The following MYO9A variants were observed in gnomAD, a reference collection of about 807,000 sequenced individuals.
MYO9A encodes unconventional myosin-IXa.
A neutral mutation model predicts 293.3 loss-of-function variants in MYO9A; 103 were observed. That is an observed-to-expected ratio of 0.35 (90% CI 0.30 to 0.41). The LOEUF (loss-of-function observed/expected upper bound fraction) is 0.41. Ranked by LOEUF, MYO9A falls within the 10% of genes least tolerant of loss-of-function variation. The probability of loss-of-function intolerance (pLI) is 1.00; values close to 1 mark genes in which losing one functional copy is unlikely to be tolerated. For missense variants in MYO9A, 2,685 were observed against 3,033.0 expected, an observed-to-expected ratio of 0.89 and a Z score of 2.69; for synonymous variants, 1,001 against 1,035.7, an observed-to-expected ratio of 0.97 and a Z score of 0.64.
chr15:71,952,560 G>C (rs2059076447), intron 14 of MYO9A, among the ~76,000 whole-genome samples: 2 of 152,178 alleles, frequency 1.3e-5, no homozygotes. Flanking sequence ...CCCCAGATCA[G>C]TGTTATTTAA....
chr15:72,072,205 C>T (rs868451974), intron 1 of MYO9A, among the ~76,000 whole-genome samples: 10 of 151,744 alleles, frequency 6.6e-5, no homozygotes, highest in Middle Eastern at 6.9e-3. Context: ...GATCTCAGCT[C>T]ACTGCAAGCT....
At chr15:71,886,546 T>C (rs2057025745) in intron 27 of MYO9A, among the ~76,000 whole-genome samples, 1 of 152,128 alleles carries the variant, frequency 6.6e-6, no homozygotes, top group Admixed American at 6.6e-5. Context: ...GTTTTATACT[T>C]TCCAGATAAT....
chr15:72,068,562 C>T (rs538753678), intron 1 of MYO9A, among the ~76,000 whole-genome samples: 73 of 151,798 alleles, frequency 4.8e-4, no homozygotes, highest in Admixed American at 7.9e-4. Context: ...ATCTTCCTGG[C>T]TCAAGCCATC....
At chr15:72,016,153 A>T (rs915421407) in intron 6 of MYO9A, among the ~76,000 whole-genome samples, 1 of 152,212 alleles carries the variant, frequency 6.6e-6, no homozygotes, top group Non-Finnish European at 1.5e-5. Context: ...GGAAATTAAC[A>T]TTTATTAAAT....
At chr15:72,091,575 T>G (rs1027885156) in intron 1 of MYO9A, among the ~76,000 whole-genome samples, 1 of 151,988 alleles carries the variant, frequency 6.6e-6, no homozygotes, top group African/African-American at 2.4e-5. Flanking sequence ...CCTGAACTAC[T>G]CTCTCTCTCT....
At chr15:72,031,796 A>G (rs755788301) in intron 3 of MYO9A, among the ~76,000 whole-genome samples, 3 of 152,186 alleles carry the variant, frequency 2.0e-5, no homozygotes, top group Non-Finnish European at 2.9e-5. Context: ...AACATAGACT[A>G]TATAATAAGA....
intron 14 of MYO9A, 80 bp from the exon 15 acceptor site, chr15:71,951,976 C>G (rs2059063312): frequency 8.3e-6 from 12 of 1,441,766 alleles, no homozygotes; most frequent in Middle Eastern, 2.0e-4. Flanking sequence ...AACAGAGAAT[C>G]AAGGACAATG....
chr15:72,072,444 A>G (rs2079224150), intron 1 of MYO9A, among the ~76,000 whole-genome samples: 1 of 151,946 alleles, frequency 6.6e-6, no homozygotes, highest in African/African-American at 2.4e-5. Flanking sequence ...AGATACCTAC[A>G]CTCTTATGTT....
chr15:72,077,872 A>T (rs1190385930), intron 1 of MYO9A, among the ~76,000 whole-genome samples: 1 of 151,672 alleles, frequency 6.6e-6, no homozygotes, highest in African/African-American at 2.4e-5. Flanking sequence ...TGGGAAATCT[A>T]AACAGACATC....
intron 2 of MYO9A, among the ~76,000 whole-genome samples, chr15:72,037,687 A>T (rs1596445679): frequency 6.6e-6 from 1 of 152,316 alleles, no homozygotes; most frequent in African/African-American, 2.4e-5. Context: ...AGAAGTCATG[A>T]AACAACCAAA....
In MYO9A at chr15:72,046,229, A is replaced by G. The variant is rs773444723; in HGVS notation, c.335T>C (p.Leu112Pro). The G allele has an allele frequency of 2.1e-5, 34 of 1,613,758 alleles. No individual in the cohort carries two copies. Among genetic ancestry groups the G allele is most frequent in the Non-Finnish European group, 2.8e-5 (33 of 1,179,832 alleles). The change falls in exon 2 of 42, where the codon CTT becomes CCT. Residue 112 changes from leucine to proline, a missense_variant. Transcript: ENST00000356056. Reference protein sequence around the residue: ...DYRFLLREKNLDGSIHYGSLQ... With the variant: ...DYRFLLREKNPDGSIHYGSLQ... ...GCTACCATAATGGATTGATCCATCA[A>G]GGTTTTTCTCTCTCAGAAGGAAGCG...
At chr15:71,834,697 T>C (rs1342891306) in intron 39 of MYO9A, among the ~76,000 whole-genome samples, 1 of 151,768 alleles carries the variant, frequency 6.6e-6, no homozygotes, top group Non-Finnish European at 1.5e-5. Flanking sequence ...GCCCAGGAGG[T>C]TGAGGCTGCA....
At position 71,827,047 on chromosome 15, in the gene MYO9A, ATGC is replaced by A. The variant is rs1167914114; in HGVS notation, c.7184-7_7184-5del. The A allele has an allele frequency of 6.4e-7, 1 of 1,552,312 alleles. No homozygotes were observed. The highest frequency in any genetic ancestry group is 2.1e-5 in the Admixed American group (1 of 47,516). On this transcript the variant is annotated splice_polypyrimidine_tract_variant and splice_region_variant and intron_variant, in intron 41 of 41. Coordinates refer to ENST00000356056, the MANE Select transcript of MYO9A (RefSeq NM_006901.4). ...GAGCTAAGGGCTAAGCTTCTTTCTA[ATGC>A]AAAAAAGAGACCAAAGATGTAAATG...
intron 1 of MYO9A, among the ~76,000 whole-genome samples, chr15:72,056,515 C>T (rs183426863): frequency 3.9e-5 from 6 of 152,332 alleles, no homozygotes; most frequent in African/African-American, 1.2e-4. Flanking sequence ...CGTATGTTCT[C>T]GCTCATAAGC....
chr15:71,890,083 A>G (rs939845580), intron 26 of MYO9A: 1 of 152,190 alleles, frequency 6.6e-6, no homozygotes, highest in Admixed American at 6.5e-5. Context: ...CCCTTGTGAG[A>G]TATTACTAAG....
chr15:72,011,877 C>A (rs544152450), intron 6 of MYO9A, among the ~76,000 whole-genome samples: 1 of 152,112 alleles, frequency 6.6e-6, no homozygotes, highest in Non-Finnish European at 1.5e-5. Context: ...TTATTAACTG[C>A]AGATCCCCAG....
chr15:71,880,142 G>A (rs1195535935), intron 29 of MYO9A, among the ~76,000 whole-genome samples, 193 bp downstream of exon 29: 1 of 152,132 alleles, frequency 6.6e-6, no homozygotes, highest in Non-Finnish European at 1.5e-5. Flanking sequence ...CACTACTAAA[G>A]CCTACAACCT....
intron 1 of MYO9A, among the ~76,000 whole-genome samples, chr15:72,094,788 T>G (rs1239546807): frequency 1.1e-5 from 1 of 92,054 alleles, no homozygotes; most frequent in Non-Finnish European, 3.3e-5. Flanking sequence ...GCACCTGTAT[T>G]ACAGGTGTAA....
chr15:71,880,491 G>A lies in MYO9A; in HGVS notation c.5466C>T (p.Phe1822=). Residue 1822 remains phenylalanine (F), a synonymous_variant, in exon 29 of 42, where the codon TTC becomes TTT. Transcript: ENST00000356056. ...PELPGSCRKE[F]KENKEPSPKA... ...TTGGAGAAGGTTCTTTGTTCTCTTTGAATTCCTTCCGGCAACTGCCGGGCA... is the reference window on the plus strand; with the variant it reads ...TTGGAGAAGGTTCTTTGTTCTCTTTAAATTCCTTCCGGCAACTGCCGGGCA... 1 of 1,614,188 alleles carries A rather than the reference G, an allele frequency of 6.2e-7. No individual in the cohort carries two copies. Among genetic ancestry groups the A allele is most frequent in the Non-Finnish European group, 8.5e-7 (1 of 1,180,002 alleles).
Sources: gnomAD v4.1 joint callset for allele counts (sites outside exome capture counted in the v4.1 genomes callset) on GRCh38, gnomAD v4.1.1 for gene constraint, MANE v1.5 for transcripts, NCBI Gene and HGNC (gene_info 2026-07-23, HGNC 2026-07-21) for gene names.